Variants in NBDY observed in about 807,000 individuals in gnomAD.
The protein encoded by NBDY is negative regulator of P-body association.
At position 56,805,189 on chromosome X, in the gene NBDY, CAT is replaced by C. The variant is rs1186710127; in HGVS notation, c.*167-12130_*167-12129del. Among the ~76,000 whole-genome samples the C allele has an allele frequency of 8.0e-5, 9 of 112,426 alleles. No individual in the cohort carries two copies. In the East Asian group the frequency reaches 1.1e-3, roughly 14 times the overall value. On this transcript the variant is annotated intron_variant, in intron 2 of 2. Transcript: ENST00000374922. Reference sequence around the variant, plus strand: ...TGTCAACAAATGTGGATCCTTTTCTCATGTGTAGTAATCACCATGGGGGCACC... The same window carrying C: ...TGTCAACAAATGTGGATCCTTTTCTCGTGTAGTAATCACCATGGGGGCACC...
At chrX:56,798,248 T>C (rs900049704) in intron 2 of NBDY, among the ~76,000 whole-genome samples, 18 of 112,350 alleles carry the variant, frequency 1.6e-4, no homozygotes, top group African/African-American at 5.5e-4. Flanking sequence ...TGGAGCATCC[T>C]GGGTCAACCC....
At chrX:56,744,192 T>C (rs1197862875) in intron 2 of NBDY, among the ~76,000 whole-genome samples, 1 of 111,790 alleles carries the variant, frequency 8.9e-6, no homozygotes, top group Non-Finnish European at 1.9e-5. Context: ...ATTATTTCAA[T>C]TTTTTTGAAT....
rs150219368 is a variant in NBDY at position 56,759,867 on chromosome X, G to A, written c.*166+27668G>A. Among the ~76,000 whole-genome samples, 93 of 111,759 alleles carry A rather than the reference G, an allele frequency of 8.3e-4. 2 individuals carry two copies. Among genetic ancestry groups the A allele is most frequent in the African/African-American group, 2.3e-3 (71 of 30,761 alleles). ...GGGACTTCCAAGCATGAATCGCCCCGCCCCCAGCACCCCGAAGTTCCTTTG... is the reference window on the plus strand; with the variant it reads ...GGGACTTCCAAGCATGAATCGCCCCACCCCCAGCACCCCGAAGTTCCTTTG... On this transcript the variant is annotated intron_variant, in intron 2 of 2. Coordinates refer to ENST00000374922, the MANE Select transcript of NBDY (RefSeq NM_001348129.2).
At chrX:56,735,534 GC>G (rs2069483868) in intron 2 of NBDY, among the ~76,000 whole-genome samples, 1 of 111,647 alleles carries the variant, frequency 9.0e-6, no homozygotes, top group East Asian at 2.8e-4. Context: ...AACATTAACA[GC>G]ATTCATAAGC....
chrX:56,786,374 C>T lies in NBDY; in HGVS notation c.*167-30946C>T, dbSNP rs1028043817. ...ATGGCTCTTTGTCCTTTGTTGTGTA[C>T]ATCACCATGCATTGAGGTCTTCCTG... On this transcript the variant is annotated intron_variant, in intron 2 of 2. Transcript: ENST00000374922. Among the ~76,000 whole-genome samples, 3 of 111,841 alleles carry T rather than the reference C, an allele frequency of 2.7e-5. No individual in the cohort carries two copies. In the Admixed American group the frequency reaches 2.8e-4, roughly 11 times the overall value.
intron 2 of NBDY, among the ~76,000 whole-genome samples, chrX:56,740,312 T>C (rs1340993983): frequency 6.2e-5 from 7 of 112,135 alleles, no homozygotes; most frequent in Non-Finnish European, 1.3e-4. Context: ...CATTTTGTCA[T>C]TGTTTTCCAT....
intron 2 of NBDY, among the ~76,000 whole-genome samples, chrX:56,814,323 CT>C (rs1160721806): frequency 2.9e-4 from 30 of 104,538 alleles, no homozygotes; most frequent in Middle Eastern, 9.9e-3. Flanking sequence ...TACTCTGTAA[CT>C]TTTTTTTTTC....
At chrX:56,781,359 T>C (rs1449266949) in intron 2 of NBDY, among the ~76,000 whole-genome samples, 2 of 111,961 alleles carry the variant, frequency 1.8e-5, no homozygotes, top group African/African-American at 3.3e-5. Flanking sequence ...TATTTGCTGA[T>C]GGAGTGTGCG....
chrX:56,793,541 C>T (rs1013156246), intron 2 of NBDY, among the ~76,000 whole-genome samples: 2 of 110,315 alleles, frequency 1.8e-5, no homozygotes, highest in African/African-American at 6.6e-5. Flanking sequence ...TGGAGGGCCT[C>T]AGCTTGGAGG....
At chrX:56,801,369 C>G (rs1259611386) in intron 2 of NBDY, among the ~76,000 whole-genome samples, 1 of 109,867 alleles carries the variant, frequency 9.1e-6, no homozygotes, top group East Asian at 2.9e-4. Flanking sequence ...CCTTCTCCTT[C>G]TCATTTTTCT....
At chrX:56,739,295 TATATAG>T (rs1881571486) in intron 2 of NBDY, among the ~76,000 whole-genome samples, 1 of 87,425 alleles carries the variant, frequency 1.1e-5, no homozygotes, top group African/African-American at 4.5e-5. Context: ...TATATATATA[TATATAG>T]AGAGAGAGAG....
At chrX:56,807,845 A>G (rs1390191244) in intron 2 of NBDY, among the ~76,000 whole-genome samples, 2 of 112,046 alleles carry the variant, frequency 1.8e-5, no homozygotes, top group South Asian at 3.8e-4. Flanking sequence ...AGAACTTCCA[A>G]TACTGTGTTG....
chrX:56,765,761 T>G (rs1229418718), intron 2 of NBDY, among the ~76,000 whole-genome samples: 1 of 110,999 alleles, frequency 9.0e-6, no homozygotes, highest in Non-Finnish European at 1.9e-5. Context: ...CTTTTTCTTT[T>G]TCTTCTTTTT....
intron 2 of NBDY, among the ~76,000 whole-genome samples, chrX:56,811,522 A>G (rs1039357479): frequency 6.3e-5 from 7 of 111,622 alleles, no homozygotes; most frequent in Non-Finnish European, 1.3e-4. Context: ...GGCTCCACCC[A>G]GTTCGAACTT....
intron 2 of NBDY, among the ~76,000 whole-genome samples, chrX:56,816,913 T>C (rs1015978670): frequency 9.0e-5 from 10 of 111,254 alleles, no homozygotes; most frequent in Non-Finnish European, 1.5e-4. Context: ...AATAAATAAA[T>C]AAATATAAAA....
At chrX:56,755,380 C>T (rs2069604807) in intron 2 of NBDY, among the ~76,000 whole-genome samples, 1 of 111,821 alleles carries the variant, frequency 8.9e-6, no homozygotes, top group African/African-American at 3.3e-5. Flanking sequence ...AAAATTTTTG[C>T]AATCTACTCA....
chrX:56,789,591 G>A (rs1026999081), intron 2 of NBDY, among the ~76,000 whole-genome samples: 3 of 111,999 alleles, frequency 2.7e-5, no homozygotes, highest in Non-Finnish European at 5.6e-5. Context: ...ACATTGTTGA[G>A]CCATGGAGCA....
At chrX:56,793,924 C>T (rs1002953351) in intron 2 of NBDY, among the ~76,000 whole-genome samples, 2 of 112,131 alleles carry the variant, frequency 1.8e-5, no homozygotes, top group Admixed American at 9.4e-5. Context: ...AGGGTAGGGG[C>T]TCCCTGTTCC....
intron 2 of NBDY, among the ~76,000 whole-genome samples, chrX:56,802,616 G>C (rs1197601034): frequency 1.8e-5 from 2 of 113,128 alleles, no homozygotes; most frequent in African/African-American, 6.4e-5. Flanking sequence ...TCCAGGCTTT[G>C]GGAGAACCAC....
Sources: gnomAD v4.1 joint callset for allele counts (sites outside exome capture counted in the v4.1 genomes callset) on GRCh38, gnomAD v4.1.1 for gene constraint, MANE v1.5 for transcripts, NCBI Gene and HGNC (gene_info 2026-07-23, HGNC 2026-07-21) for gene names.